The following KREMEN1 variants were observed in gnomAD, a reference collection of about 807,000 sequenced individuals.
The protein encoded by KREMEN1 is kringle containing transmembrane protein 1, also known as kremen protein 1.
A neutral mutation model predicts 46.5 loss-of-function variants in KREMEN1; 30 were observed. That is an observed-to-expected ratio of 0.65 (90% CI 0.48 to 0.88). KREMEN1 has a LOEUF of 0.88. Among genes scored for constraint, KREMEN1 ranks in the 40% least tolerant of loss-of-function variants. The pLI is 0.00. For missense variants in KREMEN1, 533 were observed against 596.9 expected (o/e 0.89, Z 1.11); for synonymous variants, 214 against 230.6 (o/e 0.93, Z 0.65).
At chr22:29,105,468 CACACACACAT>C (rs1352621703) in intron 3 of KREMEN1, among the ~76,000 whole-genome samples, 92 of 134,848 alleles carry the variant, frequency 6.8e-4, no homozygotes, top group African/African-American at 2.4e-3. Context: ...TGTGCGCACA[CACACACACAT>C]ACACACACAC....
At position 29,073,122 on chromosome 22, in the gene KREMEN1, T is replaced by C. The variant is rs2037495620; in HGVS notation, c.-9T>C. 1 of 1,028,658 alleles carries C rather than the reference T, an allele frequency of 9.7e-7. No individual in the cohort carries two copies. Among genetic ancestry groups the C allele is most frequent in the South Asian group, 4.0e-5 (1 of 24,692 alleles). The allele number at this position is 1,028,658 out of a possible 1,614,324, so 63.7% of individuals were successfully genotyped here. A position where few individuals can be genotyped will look rare whatever the true frequency, so the allele number is the denominator to read the frequency against. ...CGGGCCGCGCCCCGGGGCCCCGCAC[T>C]GACGGCCCATGGCGCCGCCAGCCGC... On this transcript the variant is annotated 5_prime_UTR_variant, in exon 1 of 9. The change abolishes the stop of an existing upstream ORF in the 5' untranslated region. Transcript: ENST00000400335. This position sits in a 1 kb window ranked among gnomAD's most constrained non-coding sequence, Gnocchi z 4.4.
downstream of KREMEN1, among the ~76,000 whole-genome samples, chr22:29,151,765 T>C (rs2038916804): frequency 6.6e-6 from 1 of 152,048 alleles, no homozygotes; most frequent in Admixed American, 6.5e-5. Flanking sequence ...ATCTCAGCAC[T>C]TTGGGAGGCT....
chr22:29,096,412 A>G (rs1289204548), intron 2 of KREMEN1, among the ~76,000 whole-genome samples: 1 of 151,804 alleles, frequency 6.6e-6, no homozygotes, highest in Non-Finnish European at 1.5e-5. Context: ...TATGTGAAAA[A>G]TTTTTCTTTC....
intron 3 of KREMEN1, among the ~76,000 whole-genome samples, chr22:29,120,223 T>C (rs56291113): frequency 4.2e-5 from 1 of 24,010 alleles, no homozygotes; most frequent in Non-Finnish European, 9.8e-5. Flanking sequence ...ATGAAGGAAA[T>C]GGAGGAGGGA....
At chr22:29,105,752 C>G (rs775079901) in intron 3 of KREMEN1, among the ~76,000 whole-genome samples, 12 of 152,064 alleles carry the variant, frequency 7.9e-5, no homozygotes, top group Non-Finnish European at 1.6e-4. Flanking sequence ...TCAAGATTTC[C>G]CACTTTTAAC....
At chr22:29,167,306 C>G (rs1372555927) in exon 10 of KREMEN1, 1 of 597,582 alleles carries the variant, frequency 1.7e-6, no homozygotes, top group Non-Finnish European at 3.0e-6. Flanking sequence ...CTGCAGTGAG[C>G]TATGATCACA....
Position 29,143,634 on chromosome 22 carries a change from C to T in KREMEN1, c.*1522C>T, listed in dbSNP as rs191063153. On this transcript the variant is annotated 3_prime_UTR_variant, in exon 9 of 9. Transcript: ENST00000400335. ...GTGGGCGCCTGTAGTCCCAGCTGCT[C>T]GGGAGGCTGAGGCAGGAGAATGGCG... is the stretch of plus-strand genomic sequence containing the variant. 1.7e-4 allele frequency: 114 copies of T among 690,698 alleles called. 1 individual carries two copies. The African/African-American group carries it at 1.9e-3, about 11-fold the overall frequency. The allele number at this position is 690,698 out of a possible 1,614,324, so 42.8% of individuals were successfully genotyped here. A position where few individuals can be genotyped will look rare whatever the true frequency, so the allele number is the denominator to read the frequency against.
At chr22:29,087,235 G>C (rs767067292) in intron 1 of KREMEN1, among the ~76,000 whole-genome samples, 15 of 151,946 alleles carry the variant, frequency 9.9e-5, no homozygotes, top group Non-Finnish European at 2.1e-4. Context: ...TTGATTTCAA[G>C]CCAGGCTAAA....
chr22:29,101,785 A>G (rs975043614), intron 3 of KREMEN1, among the ~76,000 whole-genome samples: 3 of 152,234 alleles, frequency 2.0e-5, no homozygotes, highest in African/African-American at 7.2e-5. Flanking sequence ...TGTGTAGTAG[A>G]CTATCACATC....
Position 29,073,991 on chromosome 22 carries a change from C to T in KREMEN1, c.97+764C>T, listed in dbSNP as rs1326572423. Among the ~76,000 whole-genome samples, 1 of 152,212 alleles carries T rather than the reference C, an allele frequency of 6.6e-6. No individual in the cohort carries two copies. Among genetic ancestry groups the T allele is most frequent in the Non-Finnish European group, 1.5e-5 (1 of 68,026 alleles). On this transcript the variant is annotated intron_variant, in intron 1 of 8. Transcript: ENST00000400335. The surrounding 1 kb of genome is among the most constrained non-coding windows in gnomAD (Gnocchi z 4.4). ...TCCCTGAGCCTCACTGCGACGCCCC[C>T]GCGTCCCCCAGTCCTCTCCTCCCGC...
intron 3 of KREMEN1, among the ~76,000 whole-genome samples, chr22:29,115,741 G>A (rs134690): frequency 0.57 from 87,121 of 152,110 alleles, 26,011 homozygotes; most frequent in African/African-American, 0.73. Flanking sequence ...GGGAGGATGG[G>A]AGGGCCATGG....
chr22:29,096,293 G>C (rs1192423533), intron 2 of KREMEN1, among the ~76,000 whole-genome samples: 2 of 152,038 alleles, frequency 1.3e-5, no homozygotes, highest in Non-Finnish European at 2.9e-5. Flanking sequence ...GTAGGCTGTT[G>C]GTTTATTCTA....
At chr22:29,102,498 T>C (rs2037993114) in intron 3 of KREMEN1, among the ~76,000 whole-genome samples, 1 of 152,220 alleles carries the variant, frequency 6.6e-6, no homozygotes, top group Non-Finnish European at 1.5e-5. Flanking sequence ...GATAGTCTTT[T>C]AGTACCAGCC....
intron 9 of KREMEN1, among the ~76,000 whole-genome samples, chr22:29,163,263 C>T (rs1412869776): frequency 6.6e-6 from 1 of 152,186 alleles, no homozygotes; most frequent in South Asian, 2.1e-4. Flanking sequence ...TCTGCTTCTC[C>T]TTTTGCCTTC....
intron 3 of KREMEN1, 104 bp from the exon 4 acceptor site, chr22:29,121,253 G>A: frequency 7.4e-7 from 1 of 1,354,496 alleles, no homozygotes; most frequent in Non-Finnish European, 1.0e-6. Context: ...CCTCAGGAGT[G>A]GAAATACTGG....
At chr22:29,088,844 G>A (rs1206202559) in intron 1 of KREMEN1, among the ~76,000 whole-genome samples, 4 of 152,154 alleles carry the variant, frequency 2.6e-5, no homozygotes, top group Admixed American at 2.6e-4. Context: ...GGCTCAAGGA[G>A]GTTAGGCAAG....
intron 5 of KREMEN1, 35 bp downstream of exon 5, chr22:29,125,451 A>G (rs372314603): frequency 1.2e-6 from 2 of 1,608,408 alleles, no homozygotes; most frequent in Non-Finnish European, 1.7e-6. Flanking sequence ...TGCCCAAGGC[A>G]CAGGAACCCT....
chr22:29,100,089 C>T (rs80169474), intron 3 of KREMEN1, among the ~76,000 whole-genome samples: 4,988 of 129,718 alleles, frequency 0.038, 233 homozygotes, highest in South Asian at 0.2. Context: ...CTACACTTGA[C>T]TAGTCTTTTT....
At chr22:29,160,985 T>C (rs917065237) in intron 9 of KREMEN1, among the ~76,000 whole-genome samples, 2 of 98,170 alleles carry the variant, frequency 2.0e-5, no homozygotes, top group Admixed American at 1.2e-4. Flanking sequence ...GCTAGCTAGA[T>C]TAACAAAGAA....
Sources: gnomAD v4.1 joint callset for allele counts (sites outside exome capture counted in the v4.1 genomes callset) on GRCh38, gnomAD v4.1.1 for gene constraint, Gnocchi (gnomAD v3.1) non-coding constraint, MANE v1.5 for transcripts, NCBI Gene and HGNC (gene_info 2026-07-23, HGNC 2026-07-21) for gene names.